MYO3A: variants seen among roughly 807,000 people sequenced by gnomAD.
MYO3A encodes myosin-IIIa.
A neutral mutation model predicts 192.7 loss-of-function variants in MYO3A; 180 were observed. That is an observed-to-expected ratio of 0.93 (90% CI 0.83 to 1.06). MYO3A has a LOEUF of 1.06. Ranked by LOEUF, MYO3A falls within the 50% of genes least tolerant of loss-of-function variation. The pLI is 0.00. For synonymous variants in MYO3A, 628 were observed against 645.3 expected, an observed-to-expected ratio of 0.97 and a Z score of 0.41; for missense variants, 1,896 against 1,905.0, an observed-to-expected ratio of 1.00 and a Z score of 0.09.
intron 4 of MYO3A, among the ~76,000 whole-genome samples, chr10:25,967,073 G>A (rs1838309844): frequency 6.6e-6 from 1 of 152,186 alleles, no homozygotes. Context: ...GAAGAAATTG[G>A]AAAGGCAGAG....
intron 23 of MYO3A, among the ~76,000 whole-genome samples, chr10:26,149,115 T>A (rs140616933): frequency 6.6e-6 from 1 of 152,120 alleles, no homozygotes; most frequent in Non-Finnish European, 1.5e-5. Context: ...CTGAGTATAA[T>A]GTTAACTGTA....
rs996656517 is a variant in MYO3A at position 26,085,642 on chromosome 10, G to A, written c.1360-2561G>A. ...ACCTCACCTGAGATGTGTGGTGGCA[G>A]CAACTACTTCAGTGTTCAGGAGGCC... On this transcript the variant is annotated intron_variant, in intron 14 of 34. Transcript: ENST00000642920. Among the ~76,000 whole-genome samples the A allele has an allele frequency of 6.6e-5, 10 of 152,340 alleles. No homozygotes were observed. In the East Asian group the frequency reaches 1.4e-3, roughly 21 times the overall value.
intron 14 of MYO3A, among the ~76,000 whole-genome samples, chr10:26,086,524 G>T (rs925335644): frequency 2.5e-4 from 38 of 151,956 alleles, no homozygotes; most frequent in Non-Finnish European, 2.9e-5. Flanking sequence ...TAATTGACTG[G>T]TTTTAGTATC....
At chr10:26,028,801 C>A (rs527333082) in intron 10 of MYO3A, among the ~76,000 whole-genome samples, 4 of 152,124 alleles carry the variant, frequency 2.6e-5, no homozygotes, top group Admixed American at 1.3e-4. Flanking sequence ...GTTCTCCTTG[C>A]CCCCTAGAGT....
At chr10:26,110,621 G>C (rs1838105916) in intron 17 of MYO3A, among the ~76,000 whole-genome samples, 1 of 152,152 alleles carries the variant, frequency 6.6e-6, no homozygotes, top group South Asian at 2.1e-4. Flanking sequence ...GATGAGGAGT[G>C]AGTAGGAGTT....
At chr10:26,072,670 C>T (rs12253015) in intron 14 of MYO3A, among the ~76,000 whole-genome samples, 71,837 of 150,524 alleles carry the variant, frequency 0.48, 17,860 homozygotes, top group Middle Eastern at 0.59. Flanking sequence ...GTTCAAGCTC[C>T]AAGACCAGAA....
At position 26,008,814 on chromosome 10, in the gene MYO3A, G is replaced by C. The variant is rs1841414620; in HGVS notation, c.509-8006G>C. Among the ~76,000 whole-genome samples, 3 of 152,006 alleles carry C rather than the reference G, an allele frequency of 2.0e-5. No homozygotes were observed. In the South Asian group the frequency reaches 6.2e-4, roughly 32 times the overall value. ...ACTAGTTCAACCATTGTGGAAGTCA[G>C]TGTGGCGATTCCTCAGGGATCTAGA... On this transcript the variant is annotated intron_variant, in intron 6 of 34. Transcript: ENST00000642920.
chr10:26,193,189 A>T lies in MYO3A; in HGVS notation c.4439-16A>T. ...ATTTGTAATTAAATACTTGTTTATGATCACCTTTCTTATAGGTGTCTGTAA... is the reference window on the plus strand; with the variant it reads ...ATTTGTAATTAAATACTTGTTTATGTTCACCTTTCTTATAGGTGTCTGTAA... On this transcript the variant is annotated splice_polypyrimidine_tract_variant and intron_variant, in intron 31 of 34. Coordinates refer to ENST00000642920, the MANE Select transcript of MYO3A (RefSeq NM_017433.5). 1 of 1,561,394 alleles carries T rather than the reference A, an allele frequency of 6.4e-7. No homozygotes were observed. The highest frequency in any genetic ancestry group is 8.8e-7 in the Non-Finnish European group (1 of 1,132,270).
intron 34 of MYO3A, among the ~76,000 whole-genome samples, chr10:26,208,374 G>A (rs1290980059): frequency 1.3e-5 from 2 of 152,134 alleles, no homozygotes. Flanking sequence ...AGAGGCAAAA[G>A]GATACAAGGA....
chr10:26,010,926 T>A (rs1841607900), intron 6 of MYO3A, among the ~76,000 whole-genome samples: 1 of 152,208 alleles, frequency 6.6e-6, no homozygotes, highest in South Asian at 2.1e-4. Flanking sequence ...GGTTTTGAAA[T>A]ATACTAACTG....
At chr10:26,117,669 A>G (rs924977140) in intron 17 of MYO3A, among the ~76,000 whole-genome samples, 1 of 152,132 alleles carries the variant, frequency 6.6e-6, no homozygotes, top group African/African-American at 2.4e-5. Context: ...AAAGGACATG[A>G]TCTCATTCTT....
At chr10:26,001,658 C>T (rs1366588427) in intron 6 of MYO3A, among the ~76,000 whole-genome samples, 3 of 149,224 alleles carry the variant, frequency 2.0e-5, no homozygotes, top group Admixed American at 2.0e-4. Context: ...GCCCAAGGAC[C>T]CTCTCTTTTC....
At chr10:26,156,206 A>G (rs1188101272) in intron 25 of MYO3A, among the ~76,000 whole-genome samples, 2 of 152,214 alleles carry the variant, frequency 1.3e-5, no homozygotes, top group African/African-American at 4.8e-5. Flanking sequence ...AAAAGATCAC[A>G]TCTGAGCCTC....
At chr10:26,041,484 T>G (rs747461026) in intron 10 of MYO3A, among the ~76,000 whole-genome samples, 12 of 152,090 alleles carry the variant, frequency 7.9e-5, no homozygotes, top group Non-Finnish European at 1.3e-4. Context: ...TCTAGTTGTT[T>G]TGTGGTCTTC....
rs1410852055 is a variant in MYO3A, at chr10:25,955,756, A to G, written c.303+748A>G. Among the ~76,000 whole-genome samples the G allele has an allele frequency of 5.9e-5, 9 of 152,328 alleles. No homozygotes were observed. The East Asian group carries it at 9.6e-4, about 16-fold the overall frequency. On this transcript the variant is annotated intron_variant, in intron 4 of 34. Transcript: ENST00000642920. ...TAAATTGCTTTTATCAAATTCAGAG[A>G]CAGTAGATACCTTTATTTGACAGCT...
At chr10:26,174,704 T>C (rs1414985585) in intron 30 of MYO3A, 147 bp downstream of exon 30, 2 of 730,744 alleles carry the variant, frequency 2.7e-6, no homozygotes, top group Admixed American at 5.7e-5. Context: ...TCAGGGATTG[T>C]GCTATTCAAA....
chr10:26,166,112 C>T lies in MYO3A; in HGVS notation c.3045C>T (p.Ser1015=), dbSNP rs199885795. 10 of 1,614,098 alleles carry T rather than the reference C, an allele frequency of 6.2e-6. No homozygotes were observed. The East Asian group carries it at 1.3e-4, about 22-fold the overall frequency. Residue 1015 remains serine (S), a synonymous_variant, in exon 27 of 35, where the codon AGC becomes AGT. Coordinates refer to ENST00000642920, the MANE Select transcript of MYO3A (RefSeq NM_017433.5). The part of the protein sequence containing the change: ...CYKSSEEPRM[S]PDTCATILEK... ...AGTCGAGCGAGGAGCCCCGCATGAG[C>T]CCTGACACCTGTGCCACCATTTTGG...
At chr10:26,201,124 T>G in intron 32 of MYO3A, 141 bp from the exon 33 acceptor site, 1 of 346,816 alleles carries the variant, frequency 2.9e-6, no homozygotes, top group Non-Finnish European at 5.2e-6. Context: ...TCTTTAAATT[T>G]TTAAAATATT....
intron 4 of MYO3A, among the ~76,000 whole-genome samples, chr10:25,956,284 T>C (rs898306546): frequency 1.3e-5 from 2 of 152,014 alleles, no homozygotes; most frequent in African/African-American, 4.8e-5. Flanking sequence ...ATAGGCACAA[T>C]AATCATATAT....
Sources: gnomAD v4.1 joint callset for allele counts (sites outside exome capture counted in the v4.1 genomes callset) on GRCh38, gnomAD v4.1.1 for gene constraint, MANE v1.5 for transcripts, NCBI Gene and HGNC (gene_info 2026-07-23, HGNC 2026-07-21) for gene names.